TTC4: variants seen among roughly 807,000 people sequenced by gnomAD.
The protein encoded by TTC4 is hsp70/Hsp90 co-chaperone CNS1 homolog.
A neutral mutation model predicts 51.9 loss-of-function variants in TTC4; 36 were observed. The ratio of observed to expected loss-of-function variants is 0.69; its 90% CI spans 0.53 to 0.92. The LOEUF (loss-of-function observed/expected upper bound fraction) is 0.92, where lower values mean the gene tolerates loss of function less well. Among genes scored for constraint, TTC4 ranks in the 40% least tolerant of loss-of-function variants. TTC4 has a pLI of 0.00. For synonymous variants in TTC4, 144 were observed against 164.2 expected, an observed-to-expected ratio of 0.88 and a Z score of 0.94; for missense variants, 399 against 454.6, an observed-to-expected ratio of 0.88 and a Z score of 1.11.
At chr1:54,726,280 A>G (rs1355926708) in intron 5 of TTC4, among the ~76,000 whole-genome samples, 1 of 152,248 alleles carries the variant, frequency 6.6e-6, no homozygotes, top group Non-Finnish European at 1.5e-5. Flanking sequence ...ATCAGAAGCC[A>G]TGAAGGCCAA....
At chr1:54,721,359 C>A in intron 4 of TTC4, 119 bp downstream of exon 4, 1 of 788,576 alleles carries the variant, frequency 1.3e-6, no homozygotes, top group Non-Finnish European at 2.0e-6. Context: ...TTATCAACAG[C>A]AACATGCCAC....
chr1:54,718,292 A>C (rs1170153867), intron 3 of TTC4, among the ~76,000 whole-genome samples: 1 of 152,184 alleles, frequency 6.6e-6, no homozygotes, highest in Admixed American at 6.5e-5. Flanking sequence ...AGGATCGCTC[A>C]AGGCTACAGG....
intron 7 of TTC4, among the ~76,000 whole-genome samples, chr1:54,733,289 A>G (rs1273568671): frequency 6.6e-6 from 1 of 151,786 alleles, no homozygotes; most frequent in Non-Finnish European, 1.5e-5. Flanking sequence ...GCATGGTGGC[A>G]TGTGCCTGTA....
intron 5 of TTC4, 37 bp from the exon 6 acceptor site, chr1:54,728,309 G>T: frequency 6.3e-7 from 1 of 1,584,786 alleles, no homozygotes; most frequent in Non-Finnish European, 8.6e-7. Context: ...GAGGAAGCCA[G>T]GTCTCTAGAG....
In TTC4 at chr1:54,739,187, T is replaced by A. The variant is rs188814134; in HGVS notation, c.1061+1523T>A. ...ACACCCAGCCCCTAAAATTTTTTTT[T>A]AAATTATTTTTATAATAGAGACAGG... On this transcript the variant is annotated intron_variant, in intron 9 of 9. Transcript: ENST00000371281. Among the ~76,000 whole-genome samples the A allele has an allele frequency of 1.3e-3, 192 of 152,092 alleles. 1 individual carries two copies. The highest frequency in any genetic ancestry group is 3.9e-3 in the African/African-American group (161 of 41,490).
At chr1:54,733,752 T>A (rs529018159) in intron 8 of TTC4, 42 bp downstream of exon 8, 70 of 208,700 alleles carry the variant, frequency 3.4e-4, no homozygotes, top group South Asian at 1.4e-3. Context: ...AATTAATTTT[T>A]TTTTTTTTTT....
rs1423466883 is a variant in TTC4 at position 54,715,931 on chromosome 1, C to A, written c.23C>A (p.Pro8His). The change falls in exon 1 of 10, where the codon CCC becomes CAC. Residue 8 changes from proline to histidine, a missense_variant. Pro to His is a moderately conservative substitution (Grantham distance 77). Coordinates refer to ENST00000371281, the MANE Select transcript of TTC4 (RefSeq NM_004623.5). MEQPGQD[P>H]TSDDVMDSFL... ...GCTATGGAACAACCTGGGCAGGATC[C>A]CACCTCAGACGACGTCATGGACTCG... 8.1e-6 allele frequency: 13 copies of A among 1,607,260 alleles called. No homozygotes were observed. The highest frequency in any genetic ancestry group is 1.1e-5 in the Non-Finnish European group (13 of 1,177,208).
At chr1:54,729,490 C>G (rs935185371) in intron 6 of TTC4, among the ~76,000 whole-genome samples, 2 of 152,146 alleles carry the variant, frequency 1.3e-5, no homozygotes, top group Non-Finnish European at 2.9e-5. Flanking sequence ...GAGCCGGGTC[C>G]TTGCTCTTAA....
intron 5 of TTC4, among the ~76,000 whole-genome samples, chr1:54,727,453 C>T (rs1645813820): frequency 6.6e-6 from 1 of 151,944 alleles, no homozygotes; most frequent in African/African-American, 2.4e-5. Flanking sequence ...TGACACAAAG[C>T]ACAAGCAACA....
At chr1:54,731,350 C>T in intron 6 of TTC4, 136 bp from the exon 7 acceptor site, 1 of 782,718 alleles carries the variant, frequency 1.3e-6, no homozygotes, top group South Asian at 2.3e-5. Flanking sequence ...AACTCCGTCT[C>T]TTCAAAAAAT....
chr1:54,736,246 G>T (rs1557753131), intron 8 of TTC4, among the ~76,000 whole-genome samples: 2,032 of 141,718 alleles, frequency 0.014, 137 homozygotes, highest in South Asian at 0.034. Context: ...AGAGAAGAGA[G>T]GAGAGAGGAG....
intron 6 of TTC4, among the ~76,000 whole-genome samples, chr1:54,730,280 C>CTTTT (rs746084756): frequency 7.5e-6 from 1 of 133,204 alleles, no homozygotes; most frequent in East Asian, 2.2e-4. Context: ...TGCATAAATC[C>CTTTT]TTTTTTTTTT....
chr1:54,726,286 G>C (rs1645798366), intron 5 of TTC4, among the ~76,000 whole-genome samples: 1 of 152,120 alleles, frequency 6.6e-6, no homozygotes, highest in Non-Finnish European at 1.5e-5. Flanking sequence ...AGCCATGAAG[G>C]CCAAAAGGCA....
intron 2 of TTC4, among the ~76,000 whole-genome samples, 199 bp downstream of exon 2, chr1:54,716,916 C>T (rs1468759254): frequency 6.6e-6 from 1 of 152,184 alleles, no homozygotes; most frequent in Non-Finnish European, 1.5e-5. Flanking sequence ...TTCCACCCTC[C>T]AAGGTCAGGC....
At chr1:54,727,003 A>G (rs1645807170) in intron 5 of TTC4, among the ~76,000 whole-genome samples, 1 of 151,860 alleles carries the variant, frequency 6.6e-6, no homozygotes, top group African/African-American at 2.4e-5. Context: ...GGCTGATCAT[A>G]ATATTCACAT....
intron 5 of TTC4, among the ~76,000 whole-genome samples, chr1:54,723,911 T>C (rs1480948250): frequency 6.6e-6 from 1 of 152,186 alleles, no homozygotes; most frequent in African/African-American, 2.4e-5. Flanking sequence ...TCTGGTCATA[T>C]GAAATGGTAG....
At chr1:54,723,306 G>A (rs1487053922) in intron 5 of TTC4, among the ~76,000 whole-genome samples, 1 of 152,190 alleles carries the variant, frequency 6.6e-6, no homozygotes, top group African/African-American at 2.4e-5. Flanking sequence ...CAATGATTGT[G>A]CATTTTTCAG....
At chr1:54,721,292 C>G in intron 4 of TTC4, 52 bp downstream of exon 4, 1 of 1,565,144 alleles carries the variant, frequency 6.4e-7, no homozygotes, top group East Asian at 2.3e-5. Context: ...TATGAAGGTG[C>G]TAGGATACTA....
At position 54,741,654 on chromosome 1, in the gene TTC4, G is replaced by A. The variant is rs1188299939; in HGVS notation, c.*141G>A. On this transcript the variant is annotated 3_prime_UTR_variant, in exon 10 of 10. Coordinates refer to ENST00000371281, the MANE Select transcript of TTC4 (RefSeq NM_004623.5). The stretch of plus-strand genomic sequence containing the variant: ...TAGTCCTTCCTGGCATCGTGGTGGG[G>A]GAGGAGCCTCTGGCTTCCCTAAACT... 2 of 705,330 alleles carry A rather than the reference G, an allele frequency of 2.8e-6. No homozygotes were observed. Among genetic ancestry groups the A allele is most frequent in the African/African-American group, 1.8e-5 (1 of 55,846 alleles). The allele number at this position is 705,330 out of a possible 1,614,324, so 43.7% of individuals were successfully genotyped here. A position where few individuals can be genotyped will look rare whatever the true frequency, so the allele number is the denominator to read the frequency against.
Sources: gnomAD v4.1 joint callset for allele counts (sites outside exome capture counted in the v4.1 genomes callset) on GRCh38, gnomAD v4.1.1 for gene constraint, MANE v1.5 for transcripts, NCBI Gene and HGNC (gene_info 2026-07-23, HGNC 2026-07-21) for gene names.